BLTP3B: variants seen among roughly 807,000 people sequenced by gnomAD.
BLTP3B encodes the protein bridge-like lipid transfer protein family member 3B.
chr12:100,139,161 T>C, the BLTP3B span, among the ~76,000 whole-genome samples: 32 of 152,326 alleles, frequency 2.1e-4, no homozygotes, highest in Admixed American at 1.8e-3. Flanking sequence ...GTAGATAAAC[T>C]TTTTATTAAC....
the BLTP3B span, among the ~76,000 whole-genome samples, chr12:100,113,420 C>T: frequency 1.4e-5 from 2 of 147,358 alleles, no homozygotes; most frequent in East Asian, 2.1e-4. Flanking sequence ...CTGAGATTGC[C>T]CCACTGCACT....
chr12:100,105,293 G>C, the BLTP3B span, among the ~76,000 whole-genome samples: 1 of 152,098 alleles, frequency 6.6e-6, no homozygotes, highest in Non-Finnish European at 1.5e-5. Flanking sequence ...TAGGCACATG[G>C]ACCAATGGAA....
chr12:100,096,515 T>A, the BLTP3B span, among the ~76,000 whole-genome samples: 1 of 151,926 alleles, frequency 6.6e-6, no homozygotes, highest in Non-Finnish European at 1.5e-5. Context: ...TATATTCAAT[T>A]TACCAAAAAT....
chr12:100,100,180 C>T, the BLTP3B span, among the ~76,000 whole-genome samples: 1 of 151,882 alleles, frequency 6.6e-6, no homozygotes, highest in Non-Finnish European at 1.5e-5. Flanking sequence ...TGGCGCATGC[C>T]TGTAGTCCCA....
the BLTP3B span, among the ~76,000 whole-genome samples, chr12:100,097,901 T>C: frequency 6.6e-6 from 1 of 152,096 alleles, no homozygotes; most frequent in African/African-American, 2.4e-5. Context: ...ATGTGCACAT[T>C]TTATAAATGA....
the BLTP3B span, chr12:100,051,001 T>C: frequency 1.3e-6 from 2 of 1,560,512 alleles, no homozygotes; most frequent in Non-Finnish European, 1.7e-6. Flanking sequence ...TATGAATGTC[T>C]CAAAATATAT....
chr12:100,088,616 C>T, the BLTP3B span, among the ~76,000 whole-genome samples: 23 of 152,232 alleles, frequency 1.5e-4, no homozygotes, highest in South Asian at 6.2e-4. Flanking sequence ...AATTCAAAGG[C>T]GAGTCTAATA....
chr12:100,093,615 A>G, the BLTP3B span, among the ~76,000 whole-genome samples: 1 of 152,266 alleles, frequency 6.6e-6, no homozygotes, highest in African/African-American at 2.4e-5. Context: ...AGGATGAGTA[A>G]TAATGTCTTT....
chr12:100,041,020 C>T, the BLTP3B span, among the ~76,000 whole-genome samples: 2 of 152,162 alleles, frequency 1.3e-5, no homozygotes, highest in African/African-American at 4.8e-5. Context: ...CCCACAAGAA[C>T]ACTAAGACCA....
the BLTP3B span, chr12:100,058,594 G>A: frequency 6.2e-7 from 1 of 1,613,732 alleles, no homozygotes; most frequent in Non-Finnish European, 8.5e-7. Context: ...AAATAATCAG[G>A]TACCACTGGG....
the BLTP3B span, among the ~76,000 whole-genome samples, chr12:100,119,391 C>CAACCCT: frequency 2.0e-5 from 3 of 152,136 alleles, no homozygotes; most frequent in Non-Finnish European, 4.4e-5. Context: ...AGATTCAAGG[C>CAACCCT]AACCCTAAGC....
chr12:100,041,046 T>A, the BLTP3B span, among the ~76,000 whole-genome samples: 1 of 152,120 alleles, frequency 6.6e-6, no homozygotes, highest in Non-Finnish European at 1.5e-5. Flanking sequence ...CTGAAGAATA[T>A]AGACATAATC....
chr12:100,126,634 CAGG>C, the BLTP3B span, among the ~76,000 whole-genome samples: 1 of 151,768 alleles, frequency 6.6e-6, no homozygotes, highest in Non-Finnish European at 1.5e-5. Context: ...AAAGCTTAAA[CAGG>C]AGCCATTAAA....
At chr12:100,134,732 T>G in the BLTP3B span, among the ~76,000 whole-genome samples, 3 of 152,204 alleles carry the variant, frequency 2.0e-5, no homozygotes, top group African/African-American at 4.8e-5. Context: ...ATTTAGTTAA[T>G]AGCAATTCCA....
At chr12:100,106,327 G>A in the BLTP3B span, among the ~76,000 whole-genome samples, 2 of 150,484 alleles carry the variant, frequency 1.3e-5, no homozygotes, top group Non-Finnish European at 3.0e-5. Context: ...GCAACACAAT[G>A]CACAATTGCA....
the BLTP3B span, chr12:100,070,232 T>C: frequency 2.5e-4 from 388 of 1,526,396 alleles, no homozygotes; most frequent in Middle Eastern, 5.2e-4. Context: ...CCACAAAAGA[T>C]TGTTGAAACA....
At chr12:100,104,418 G>A in the BLTP3B span, among the ~76,000 whole-genome samples, 1 of 151,510 alleles carries the variant, frequency 6.6e-6, no homozygotes, top group Non-Finnish European at 1.5e-5. Context: ...TGGCTAGACT[G>A]GTCTCTAACT....
At chr12:100,124,934 T>A in the BLTP3B span, among the ~76,000 whole-genome samples, 84 of 36,984 alleles carry the variant, frequency 2.3e-3, no homozygotes, top group African/African-American at 6.3e-3. Flanking sequence ...AAAAAAAAAA[T>A]TTTATATATA....
the BLTP3B span, among the ~76,000 whole-genome samples, chr12:100,046,998 C>A: frequency 1.3e-5 from 2 of 152,166 alleles, no homozygotes; most frequent in Non-Finnish European, 2.9e-5. Context: ...ATTTGTACAA[C>A]AGGTACTAAA....
Sources: gnomAD v4.1 joint callset for allele counts (sites outside exome capture counted in the v4.1 genomes callset) on GRCh38, gnomAD v4.1.1 for gene constraint, MANE v1.5 for transcripts, NCBI Gene and HGNC (gene_info 2026-07-23, HGNC 2026-07-21) for gene names.